The following PICALM variants were observed in gnomAD, a reference collection of about 807,000 sequenced individuals.
PICALM encodes the protein phosphatidylinositol-binding clathrin assembly protein.
PICALM carries 40 observed loss-of-function variants against 80.5 expected under a neutral mutation model. That is an observed-to-expected ratio of 0.50 (90% CI 0.39 to 0.65). The LOEUF is 0.65. Ranked by LOEUF, PICALM falls within the 30% of genes least tolerant of loss-of-function variation. The probability of loss-of-function intolerance (pLI) is 0.00; values close to 1 mark genes in which losing one functional copy is unlikely to be tolerated. For synonymous variants in PICALM, 288 were observed against 260.3 expected, an observed-to-expected ratio of 1.11 and a Z score of -1.02; for missense variants, 676 against 778.9, an observed-to-expected ratio of 0.87 and a Z score of 1.57.
intron 1 of PICALM, among the ~76,000 whole-genome samples, chr11:86,044,664 T>C (rs1194364499): frequency 6.6e-6 from 1 of 152,206 alleles, no homozygotes; most frequent in African/African-American, 2.4e-5. Flanking sequence ...CCGTGGACCA[T>C]TACTGGCTCA....
intron 1 of PICALM, among the ~76,000 whole-genome samples, chr11:86,040,948 T>C (rs2095953053): frequency 6.6e-6 from 1 of 152,140 alleles, no homozygotes; most frequent in African/African-American, 2.4e-5. Context: ...CACAATACAT[T>C]ATGGTGATTG....
intron 4 of PICALM, among the ~76,000 whole-genome samples, chr11:86,018,328 C>T (rs2095512052): frequency 6.6e-6 from 1 of 152,066 alleles, no homozygotes; most frequent in Non-Finnish European, 1.5e-5. Context: ...CATATGAACG[C>T]ATTTTTCATG....
At chr11:86,028,871 C>G (rs1246397121) in intron 2 of PICALM, among the ~76,000 whole-genome samples, 2 of 141,650 alleles carry the variant, frequency 1.4e-5, no homozygotes, top group Non-Finnish European at 3.0e-5. Context: ...GAGTCTCTTG[C>G]TTTGTTGCCC....
At chr11:85,977,875 C>T (rs1400268397) in intron 17 of PICALM, among the ~76,000 whole-genome samples, 1 of 152,178 alleles carries the variant, frequency 6.6e-6, no homozygotes. Context: ...GAAAAAAAAT[C>T]GGTATTTCCC....
intron 12 of PICALM, 77 bp from the exon 13 acceptor site, chr11:85,990,476 CA>C (rs2094732036): frequency 2.3e-6 from 2 of 863,560 alleles, no homozygotes; most frequent in Non-Finnish European, 3.4e-6. Flanking sequence ...TCAAAAGATG[CA>C]AAGTGAAAAG....
intron 1 of PICALM, among the ~76,000 whole-genome samples, chr11:86,040,091 C>A (rs192919472): frequency 6.8e-6 from 1 of 147,236 alleles, no homozygotes; most frequent in African/African-American, 2.5e-5. Context: ...ACATGAGGAA[C>A]GAAAGAAACA....
intron 14 of PICALM, among the ~76,000 whole-genome samples, chr11:85,982,338 A>C (rs886169552): frequency 5.3e-5 from 8 of 151,520 alleles, no homozygotes; most frequent in Non-Finnish European, 1.0e-4. Context: ...AGACTCACTT[A>C]TATCTAAAGC....
intron 13 of PICALM, among the ~76,000 whole-genome samples, chr11:85,987,647 A>G (rs1467706019): frequency 6.6e-6 from 1 of 152,200 alleles, no homozygotes; most frequent in Non-Finnish European, 1.5e-5. Flanking sequence ...AATTCTTTAA[A>G]TTTTCTGAGA....
chr11:85,998,381 G>C (rs2095043583), intron 11 of PICALM, among the ~76,000 whole-genome samples: 1 of 151,944 alleles, frequency 6.6e-6, no homozygotes, highest in Non-Finnish European at 1.5e-5. Context: ...AAAATGCTGG[G>C]ATTACAGGCA....
chr11:86,035,480 T>C (rs1271978649), intron 1 of PICALM, among the ~76,000 whole-genome samples: 1 of 152,134 alleles, frequency 6.6e-6, no homozygotes, highest in Non-Finnish European at 1.5e-5. Flanking sequence ...TAAACCAGTA[T>C]TTGTTTGTTT....
intron 1 of PICALM, among the ~76,000 whole-genome samples, chr11:86,045,738 T>C (rs1218660725): frequency 6.6e-6 from 1 of 152,130 alleles, no homozygotes; most frequent in Non-Finnish European, 1.5e-5. Flanking sequence ...CTCCTAAATT[T>C]CTTAAAGAGT....
At chr11:86,007,807 C>A (rs965427994) in intron 7 of PICALM, among the ~76,000 whole-genome samples, 4 of 152,054 alleles carry the variant, frequency 2.6e-5, no homozygotes, top group African/African-American at 7.2e-5. Context: ...GGAAAGTCAA[C>A]AAATCTAAGT....
chr11:85,976,473 TATG>T lies in PICALM; in HGVS notation c.1839+147_1839+149del, dbSNP rs2094286761. On this transcript the variant is annotated intron_variant, in intron 18 of 19. Transcript: ENST00000393346. ...GTATAATGATTATTCTAGACATACT[TATG>T]AAACCAATGCTATGGTTCTACTGCA... 7 of 554,242 alleles carry T rather than the reference TATG, an allele frequency of 1.3e-5. No individual in the cohort carries two copies. In the Admixed American group the frequency reaches 2.1e-4, roughly 16 times the overall value. The allele number at this position is 554,242 out of a possible 1,614,324, so 34.3% of individuals were successfully genotyped here. A position where few individuals can be genotyped will look rare whatever the true frequency, so the allele number is the denominator to read the frequency against.
At chr11:86,041,534 A>G (rs1013108326) in intron 1 of PICALM, among the ~76,000 whole-genome samples, 2 of 147,084 alleles carry the variant, frequency 1.4e-5, no homozygotes, top group Admixed American at 6.7e-5. Context: ...TGAAAAGGGA[A>G]TATGTAGAGA....
At chr11:85,988,698 A>G (rs1294102263) in intron 13 of PICALM, among the ~76,000 whole-genome samples, 1 of 152,136 alleles carries the variant, frequency 6.6e-6, no homozygotes, top group Non-Finnish European at 1.5e-5. Flanking sequence ...GAAAGAGAAG[A>G]GGAGGAACAG....
chr11:85,968,239 CA>C, intron 19 of PICALM, among the ~76,000 whole-genome samples: 1 of 152,218 alleles, frequency 6.6e-6, no homozygotes, highest in East Asian at 1.9e-4. Flanking sequence ...TACAGTGAGC[CA>C]TGATTGTGCC....
intron 19 of PICALM, among the ~76,000 whole-genome samples, chr11:85,962,867 C>T (rs1317093783): frequency 1.3e-5 from 2 of 152,206 alleles, no homozygotes; most frequent in Non-Finnish European, 2.9e-5. Flanking sequence ...CAGCCCCTGA[C>T]CATCCTACCC....
chr11:86,065,685 G>A lies in PICALM; in HGVS notation c.130+2966C>T, dbSNP rs1593564779. ...AAAGGCCTAAGATTAAACGGAAATCGTGTTTATTTTTACAAACATATTTCA... is the reference window on the plus strand; with the variant it reads ...AAAGGCCTAAGATTAAACGGAAATCATGTTTATTTTTACAAACATATTTCA... On this transcript the variant is annotated intron_variant, in intron 1 of 19. Transcript: ENST00000393346. Among the ~76,000 whole-genome samples the A allele has an allele frequency of 2.6e-5, 4 of 152,202 alleles. No homozygotes were observed. In the South Asian group the frequency reaches 6.2e-4, roughly 24 times the overall value.
In PICALM at chr11:86,065,967, A is replaced by T. The variant is rs1163492289; in HGVS notation, c.130+2684T>A. ...AGCATATTTTTTGTTAAATGCTGCCATTTTAAAATGAAATCATTTTCATTA... is the reference window on the plus strand; with the variant it reads ...AGCATATTTTTTGTTAAATGCTGCCTTTTTAAAATGAAATCATTTTCATTA... On this transcript the variant is annotated intron_variant, in intron 1 of 19. Coordinates refer to ENST00000393346, the MANE Select transcript of PICALM (RefSeq NM_007166.4). Among the ~76,000 whole-genome samples the T allele has an allele frequency of 2.6e-5, 4 of 152,218 alleles. No individual in the cohort carries two copies. The East Asian group carries it at 7.7e-4, about 29-fold the overall frequency.
Sources: gnomAD v4.1 joint callset for allele counts (sites outside exome capture counted in the v4.1 genomes callset) on GRCh38, gnomAD v4.1.1 for gene constraint, MANE v1.5 for transcripts, NCBI Gene and HGNC (gene_info 2026-07-23, HGNC 2026-07-21) for gene names.